Variants in CLOCK observed in about 807,000 individuals in gnomAD.
CLOCK encodes clock circadian regulator, also known as circadian locomoter output cycles protein kaput.
A neutral mutation model predicts 118.4 loss-of-function variants in CLOCK; 43 were observed. That is an observed-to-expected ratio of 0.36 (90% CI 0.28 to 0.47). CLOCK has a LOEUF of 0.47. Ranked by LOEUF, CLOCK falls within the 20% of genes least tolerant of loss-of-function variation. The probability of loss-of-function intolerance (pLI) is 1.00; values close to 1 mark genes in which losing one functional copy is unlikely to be tolerated. For synonymous variants in CLOCK, 326 were observed against 339.2 expected (o/e 0.96, Z 0.43); for missense variants, 846 against 999.9 (o/e 0.85, Z 2.08).
chr4:55,438,222 C>T (rs532160084), intron 22 of CLOCK, 60 bp downstream of exon 22: 100 of 1,567,270 alleles, frequency 6.4e-5, no homozygotes, highest in Admixed American at 2.2e-4. Context: ...TCACTTAATG[C>T]TTAATTTCAT....
In CLOCK at chr4:55,447,240, GC is replaced by G. The variant is rs1723934996; in HGVS notation, c.1539+1538del. Among the ~76,000 whole-genome samples the G allele has an allele frequency of 2.0e-5, 3 of 152,042 alleles. No homozygotes were observed. In the South Asian group the frequency reaches 6.2e-4, roughly 32 times the overall value. On this transcript the variant is annotated intron_variant, in intron 18 of 22. Transcript: ENST00000513440. ...AAACTAGCCGGGTGTGGTGGCATGT[GC>G]CTGTAGTCCCAGCTACTCGGGAGAC... is the stretch of plus-strand genomic sequence containing the variant.
chr4:55,496,152 G>A (rs1728065899), intron 2 of CLOCK, among the ~76,000 whole-genome samples: 1 of 151,736 alleles, frequency 6.6e-6, no homozygotes, highest in Non-Finnish European at 1.5e-5. Context: ...TTGCTCCACA[G>A]CACTCCATCC....
At position 55,430,532 on chromosome 4, in the gene CLOCK, G is replaced by A. The variant is rs1367526134; in HGVS notation, c.*4883C>T. On this transcript the variant is annotated 3_prime_UTR_variant, in exon 23 of 23. Transcript: ENST00000513440. ...TGTGCCAACAAAATTCATCCCCAGT[G>A]TTTCCACAGGAGACATTAAAATTAA... The A allele has an allele frequency of 6.6e-6, 1 of 152,138 alleles. No individual in the cohort carries two copies. The highest frequency in any genetic ancestry group is 1.5e-5 in the Non-Finnish European group (1 of 68,018). The allele number at this position is 152,138 out of a possible 1,614,324, so 9.4% of individuals were successfully genotyped here. A position where few individuals can be genotyped will look rare whatever the true frequency, so the allele number is the denominator to read the frequency against.
At chr4:55,469,757 G>C (rs1026969399) in intron 8 of CLOCK, among the ~76,000 whole-genome samples, 5 of 152,192 alleles carry the variant, frequency 3.3e-5, no homozygotes. Flanking sequence ...ACCCAGGCTG[G>C]AGTGCAGTGG....
chr4:55,458,823 C>A (rs1725102416), intron 11 of CLOCK, 69 bp downstream of exon 11: 1 of 1,043,614 alleles, frequency 9.6e-7, no homozygotes, highest in African/African-American at 1.6e-5. Context: ...TCAATGTCTG[C>A]AGGAAGTTTC....
intron 9 of CLOCK, among the ~76,000 whole-genome samples, chr4:55,459,553 T>C (rs894577402): frequency 4.6e-5 from 7 of 152,240 alleles, no homozygotes; most frequent in African/African-American, 1.7e-4. Flanking sequence ...TTGCTTCACA[T>C]TCTAAAGCTA....
chr4:55,520,600 T>G (rs1249951542), intron 1 of CLOCK, among the ~76,000 whole-genome samples: 1 of 152,178 alleles, frequency 6.6e-6, no homozygotes, highest in South Asian at 2.1e-4. Context: ...AAATCCACAG[T>G]AGACATACAG....
At position 55,448,594 on chromosome 4, in the gene CLOCK, ACG is replaced by A. The variant is rs1553891178; in HGVS notation, c.1539+183_1539+184del. Among the ~76,000 whole-genome samples, 97 of 81,394 alleles carry A rather than the reference ACG, an allele frequency of 1.2e-3. 1 individual carries two copies. Among genetic ancestry groups the A allele is most frequent in the African/African-American group, 4.1e-3 (91 of 22,346 alleles). 53.4% of individuals were successfully genotyped at this position (81,394 alleles called of 152,430 possible). A position where few individuals can be genotyped will look rare whatever the true frequency, so the allele number is the denominator to read the frequency against. On this transcript the variant is annotated intron_variant, in intron 18 of 22. Transcript: ENST00000513440. ...TATAATTATATATGTGCGCGCGCGC[ACG>A]CGCGCGTGTGTGTGTGTGTGTGTGT...
At chr4:55,468,055 C>T (rs185150454) in intron 8 of CLOCK, among the ~76,000 whole-genome samples, 17 of 152,282 alleles carry the variant, frequency 1.1e-4, no homozygotes, top group Admixed American at 8.5e-4. Flanking sequence ...AGAAATACCA[C>T]TTTTCAGTAT....
intron 8 of CLOCK, among the ~76,000 whole-genome samples, chr4:55,468,925 T>C (rs1366792116): frequency 6.6e-6 from 1 of 152,188 alleles, no homozygotes; most frequent in Non-Finnish European, 1.5e-5. Flanking sequence ...ATATCTGTTG[T>C]AATGTCATAG....
At chr4:55,490,155 C>T (rs752239313) in intron 2 of CLOCK, among the ~76,000 whole-genome samples, 1 of 150,462 alleles carries the variant, frequency 6.6e-6, no homozygotes, top group Non-Finnish European at 1.5e-5. Flanking sequence ...GATTTAAGAA[C>T]AGAAGCTGAA....
At chr4:55,528,578 G>C (rs1325353199) in intron 1 of CLOCK, among the ~76,000 whole-genome samples, 1 of 151,996 alleles carries the variant, frequency 6.6e-6, no homozygotes, top group Non-Finnish European at 1.5e-5. Context: ...AGAACAGAGA[G>C]AAAGTGTTTA....
chr4:55,448,688 C>A (rs1724152970), intron 18 of CLOCK, 91 bp downstream of exon 18: 2 of 922,780 alleles, frequency 2.2e-6, no homozygotes, highest in African/African-American at 1.7e-5. Context: ...CAGGTGCTTG[C>A]CAGCAAGCCT....
At chr4:55,449,580 T>G (rs776663661) in intron 16 of CLOCK, 84 bp from the exon 17 acceptor site, 22 of 1,178,556 alleles carry the variant, frequency 1.9e-5, no homozygotes, top group Middle Eastern at 2.3e-4. Context: ...TTTCAGTTAA[T>G]AAAAATGGCT....
chr4:55,438,585 T>C, intron 21 of CLOCK, 48 bp from the exon 22 acceptor site: 1 of 1,611,618 alleles, frequency 6.2e-7, no homozygotes, highest in South Asian at 1.1e-5. Flanking sequence ...GTACAAGGTA[T>C]ACATCATAAA....
chr4:55,447,533 G>A (rs1364007200), intron 18 of CLOCK, among the ~76,000 whole-genome samples: 1 of 152,122 alleles, frequency 6.6e-6, no homozygotes, highest in African/African-American at 2.4e-5. Flanking sequence ...ATAACAGGAA[G>A]TAAAACCACA....
intron 18 of CLOCK, among the ~76,000 whole-genome samples, chr4:55,445,741 C>T (rs532488727): frequency 6.6e-6 from 1 of 151,506 alleles, no homozygotes; most frequent in South Asian, 2.1e-4. Flanking sequence ...CAGGCATGCA[C>T]CACCACACCT....
rs992628163 is a variant in CLOCK at position 55,429,161 on chromosome 4, T to C, written c.*6254A>G. 1.4e-5 allele frequency: 2 copies of C among 147,540 alleles called. No homozygotes were observed. Among genetic ancestry groups the C allele is most frequent in the African/African-American group, 2.5e-5 (1 of 40,074 alleles). 9.1% of individuals were successfully genotyped at this position (147,540 alleles called of 1,614,324 possible). On this transcript the variant is annotated 3_prime_UTR_variant, in exon 23 of 23. Coordinates refer to ENST00000513440, the MANE Select transcript of CLOCK (RefSeq NM_004898.4). ...ACTCAAAAACACACATTATAAACAT[T>C]TGAATGTCATTTTTAAAAGCGATGT...
At chr4:55,534,529 A>G (rs1730759988) in intron 1 of CLOCK, among the ~76,000 whole-genome samples, 1 of 152,140 alleles carries the variant, frequency 6.6e-6, no homozygotes, top group South Asian at 2.1e-4. Context: ...CTCACATGCT[A>G]ATAGACTCTA....
Sources: allele counts gnomAD v4.1 joint callset (sites outside exome capture counted in the v4.1 genomes callset), GRCh38; gene constraint gnomAD v4.1.1; transcripts MANE v1.5; gene names NCBI Gene and HGNC (gene_info 2026-07-23, HGNC 2026-07-21).